The following FBXO11 variants were observed in gnomAD, a reference collection of about 807,000 sequenced individuals.
FBXO11 encodes the protein F-box only protein 11.
A neutral mutation model predicts 117.0 loss-of-function variants in FBXO11; 13 were observed. That is an observed-to-expected ratio of 0.11 (90% CI 0.07 to 0.18). FBXO11 has a LOEUF of 0.18. Among genes scored for constraint, FBXO11 ranks in the 10% least tolerant of loss-of-function variants. FBXO11 has a pLI of 1.00. For missense variants in FBXO11, 767 were observed against 1,164.4 expected (o/e 0.66, Z 4.97); for synonymous variants, 490 against 380.5 (o/e 1.29, Z -3.35).
chr2:47,811,567 A>G (rs1462131311), intron 18 of FBXO11: 1 of 152,206 alleles, frequency 6.6e-6, no homozygotes, highest in African/African-American at 2.4e-5. Flanking sequence ...AATGAATCAC[A>G]TTCTGGTCAT....
At chr2:47,846,819 G>C (rs558717123) in intron 1 of FBXO11, among the ~76,000 whole-genome samples, 2 of 151,926 alleles carry the variant, frequency 1.3e-5, no homozygotes, top group African/African-American at 4.8e-5. Context: ...AAAATAGTAC[G>C]TATGTGTAAC....
At chr2:47,839,074 C>T in intron 3 of FBXO11, 71 bp from the exon 4 acceptor site, 1 of 1,445,272 alleles carries the variant, frequency 6.9e-7, no homozygotes, top group Non-Finnish European at 9.3e-7. Flanking sequence ...ACACAGTTTT[C>T]ATTTTATCTA....
chr2:47,833,327 AACAAAAAATGGTTTCTTGTGGAAACC>A (rs2104813988), intron 7 of FBXO11, among the ~76,000 whole-genome samples: 1 of 152,350 alleles, frequency 6.6e-6, no homozygotes, highest in South Asian at 2.1e-4. Flanking sequence ...TGGAAACAAA[AACAAAAAATGGTTTCTTGTGGAAACC>A]ATTCTGTTTC....
At chr2:47,837,218 T>C (rs1672651015) in intron 4 of FBXO11, among the ~76,000 whole-genome samples, 1 of 152,244 alleles carries the variant, frequency 6.6e-6, no homozygotes, top group Non-Finnish European at 1.5e-5. Flanking sequence ...TTCTCCTTTG[T>C]AATTTTTCTC....
intron 14 of FBXO11, 56 bp downstream of exon 14, chr2:47,820,305 CT>C: frequency 7.2e-7 from 1 of 1,391,010 alleles, no homozygotes. Flanking sequence ...AGGAGAAACC[CT>C]TTATCCCCCT....
intron 1 of FBXO11, among the ~76,000 whole-genome samples, chr2:47,850,039 C>T (rs1176161477): frequency 6.6e-6 from 1 of 152,008 alleles, no homozygotes; most frequent in Non-Finnish European, 1.5e-5. Context: ...TGGCAGGAGA[C>T]GAGTAAGGGA....
chr2:47,844,655 T>C (rs938027332), intron 1 of FBXO11, among the ~76,000 whole-genome samples: 2 of 152,248 alleles, frequency 1.3e-5, no homozygotes, highest in African/African-American at 4.8e-5. Flanking sequence ...GTATTTCTTT[T>C]GTTCGTTTTG....
At chr2:47,883,683 A>T in intron 1 of FBXO11, 1 of 261,156 alleles carries the variant, frequency 3.8e-6, no homozygotes, top group Non-Finnish European at 7.8e-6. Flanking sequence ...TTGTGATGTT[A>T]TCAAGGAAGA....
At chr2:47,891,647 T>C (rs1401825471) in intron 1 of FBXO11, among the ~76,000 whole-genome samples, 1 of 152,244 alleles carries the variant, frequency 6.6e-6, no homozygotes, top group African/African-American at 2.4e-5. Flanking sequence ...GGAAGAAGAA[T>C]TGCTGGATCA....
chr2:47,874,647 G>C (rs1480570378), intron 1 of FBXO11, among the ~76,000 whole-genome samples: 1 of 152,076 alleles, frequency 6.6e-6, no homozygotes, highest in Admixed American at 6.6e-5. Context: ...CAATTCTTGT[G>C]CCTCAGCCTC....
At position 47,900,496 on chromosome 2, in the gene FBXO11, G is replaced by A. The variant is rs546305088; in HGVS notation, c.232+4993C>T. 4.0e-5 allele frequency among the ~76,000 whole-genome samples: 6 copies of A among 151,578 alleles called. No homozygotes were observed. The South Asian group carries it at 1.0e-3, about 26-fold the overall frequency. ...CAGCAAGGAGTGTCTCCTGGCTGCT[G>A]CATATTATAAATATACAGCTCATTC... On this transcript the variant is annotated intron_variant, in intron 1 of 22. Coordinates refer to ENST00000403359, the MANE Select transcript of FBXO11 (RefSeq NM_001190274.2).
At chr2:47,889,056 CTA>C (rs1677073119) in intron 1 of FBXO11, among the ~76,000 whole-genome samples, 1 of 152,144 alleles carries the variant, frequency 6.6e-6, no homozygotes, top group Non-Finnish European at 1.5e-5. Context: ...CACTAAGTGT[CTA>C]TGTGCAAATG....
At chr2:47,845,711 A>T (rs1360122555) in intron 1 of FBXO11, among the ~76,000 whole-genome samples, 1 of 152,132 alleles carries the variant, frequency 6.6e-6, no homozygotes, top group Non-Finnish European at 1.5e-5. Flanking sequence ...ATAAGCTCTG[A>T]GGGCGAGGCA....
intron 1 of FBXO11, among the ~76,000 whole-genome samples, chr2:47,878,940 C>T (rs562686070): frequency 2.6e-4 from 39 of 151,856 alleles, no homozygotes; most frequent in Non-Finnish European, 1.5e-4. Flanking sequence ...GATCACGCCA[C>T]TGCACTCCAA....
rs955092258 is a variant in FBXO11 at position 47,906,193 on chromosome 2, G to C, written c.-473C>G. ...GGGAGAAAAAGAGAGGGAGAGAAGG[G>C]AGGGAGGGAGCAGGGGGCGCCCGGC... On this transcript the variant is annotated 5_prime_UTR_variant, in exon 1 of 23. Coordinates refer to ENST00000403359, the MANE Select transcript of FBXO11 (RefSeq NM_001190274.2). 1.8e-5 allele frequency: 3 copies of C among 169,020 alleles called. No homozygotes were observed. The highest frequency in any genetic ancestry group is 3.8e-5 in the Non-Finnish European group (3 of 78,118). 10.5% of individuals were successfully genotyped at this position (169,020 alleles called of 1,614,324 possible).
At chr2:47,841,155 G>A (rs1385082378) in intron 1 of FBXO11, among the ~76,000 whole-genome samples, 1 of 149,028 alleles carries the variant, frequency 6.7e-6, no homozygotes. Context: ...CCGAGATCAT[G>A]CCACTGCACT....
intron 11 of FBXO11, among the ~76,000 whole-genome samples, chr2:47,828,773 G>T (rs1243337064): frequency 6.6e-6 from 1 of 152,100 alleles, no homozygotes; most frequent in South Asian, 2.1e-4. Flanking sequence ...GAAAGAGGAG[G>T]GTGCTGGGAA....
At position 47,819,081 on chromosome 2, in the gene FBXO11, A is replaced by G; in HGVS notation, c.1798-3T>C. On this transcript the variant is annotated splice_polypyrimidine_tract_variant and splice_region_variant and intron_variant, in intron 14 of 22. Transcript: ENST00000403359. ...ATTACTCCTTGTCCCTTTTCATGCT[A>G]AATGAAAGTTACACTGGTTATAATA... is the stretch of plus-strand genomic sequence containing the variant. The G allele has an allele frequency of 1.9e-6, 3 of 1,612,106 alleles. No individual in the cohort carries two copies. Among genetic ancestry groups the G allele is most frequent in the Non-Finnish European group, 2.5e-6 (3 of 1,178,680 alleles).
In FBXO11 at chr2:47,809,033, G is replaced by C. The variant is rs148459669; in HGVS notation, c.2555+125C>G. The C allele has an allele frequency of 2.0e-4, 121 of 596,018 alleles. No individual in the cohort carries two copies. In the African/African-American group the frequency reaches 2.1e-3, roughly 10 times the overall value. 36.9% of individuals were successfully genotyped at this position (596,018 alleles called of 1,614,324 possible). ...CTTAAACACGATCTTCAAGTAGATT[G>C]ATGATAAAATTTTCAGTTAGTTATA... On this transcript the variant is annotated intron_variant, in intron 21 of 22. Transcript: ENST00000403359.
Sources: gnomAD v4.1 joint callset for allele counts (sites outside exome capture counted in the v4.1 genomes callset) on GRCh38, gnomAD v4.1.1 for gene constraint, MANE v1.5 for transcripts, NCBI Gene and HGNC (gene_info 2026-07-23, HGNC 2026-07-21) for gene names.